DOCK8: variants seen among roughly 807,000 people sequenced by gnomAD.
The protein encoded by DOCK8 is dedicator of cytokinesis 8.
Under a neutral mutation model 245.6 loss-of-function variants are expected in DOCK8, and 141 were observed. That is an observed-to-expected ratio of 0.57 (90% CI 0.50 to 0.66). The LOEUF is 0.66. Among genes scored for constraint, DOCK8 ranks in the 30% least tolerant of loss-of-function variants. The probability of loss-of-function intolerance (pLI) is 0.00; values close to 1 mark genes in which losing one functional copy is unlikely to be tolerated. For synonymous variants in DOCK8, 1,168 were observed against 970.2 expected (o/e 1.20, Z -3.79); for missense variants, 2,965 against 2,603.4 (o/e 1.14, Z -3.02).
chr9:249,065 T>G (rs963271623), intron 1 of DOCK8, among the ~76,000 whole-genome samples: 2 of 152,174 alleles, frequency 1.3e-5, no homozygotes, highest in Non-Finnish European at 2.9e-5. Context: ...CTTCCGCTCT[T>G]GGTACCTGTT....
At chr9:286,436 C>T (rs1268998394) in intron 2 of DOCK8, 25 bp from the exon 3 acceptor site, 7 of 1,612,228 alleles carry the variant, frequency 4.3e-6, no homozygotes, top group Non-Finnish European at 5.9e-6. Flanking sequence ...TGAGAACCTC[C>T]TTTTCCTTTT....
chr9:395,397 G>A (rs1224567722), intron 24 of DOCK8, among the ~76,000 whole-genome samples: 1 of 152,064 alleles, frequency 6.6e-6, no homozygotes. Flanking sequence ...TGCCAGTGCT[G>A]CATGCATCCT....
At position 382,634 on chromosome 9, in the gene DOCK8, G is replaced by C. The variant is rs565049698; in HGVS notation, c.2727G>C (p.Ala909=). 6.2e-7 allele frequency: 1 copy of C among 1,613,980 alleles called. No individual in the cohort carries two copies. The highest frequency in any genetic ancestry group is 1.3e-5 in the African/African-American group (1 of 74,892). Residue 909 remains alanine, a synonymous_variant, in exon 22 of 48, where the codon GCG becomes GCC. Coordinates refer to ENST00000432829, the MANE Select transcript of DOCK8 (RefSeq NM_203447.4). ...RVMSSSNPDL[A]GTHSAADEEV... ...TGAGCAGCAGTAACCCAGACCTCGC[G>C]GGGACACACTCCGCAGCAGACGAGG...
intron 4 of DOCK8, among the ~76,000 whole-genome samples, chr9:295,346 A>G (rs751157779): frequency 1.3e-5 from 2 of 152,172 alleles, no homozygotes; most frequent in Admixed American, 1.3e-4. Flanking sequence ...CTGGGACTGT[A>G]GTGCCCATGA....
chr9:310,395 G>T (rs998914935), intron 5 of DOCK8, among the ~76,000 whole-genome samples: 1 of 152,120 alleles, frequency 6.6e-6, no homozygotes, highest in African/African-American at 2.4e-5. Flanking sequence ...TTAGTAACTT[G>T]TAGGGTCATT....
chr9:226,444 T>A (rs536699768), intron 1 of DOCK8, among the ~76,000 whole-genome samples: 2 of 152,160 alleles, frequency 1.3e-5, no homozygotes, highest in Admixed American at 1.3e-4. Context: ...ACTTTTGTGT[T>A]TAAAAGATCT....
intron 36 of DOCK8, 139 bp from the exon 37 acceptor site, chr9:432,027 A>G: frequency 1.2e-6 from 1 of 848,770 alleles, no homozygotes; most frequent in Non-Finnish European, 1.9e-6. Flanking sequence ...CTCCCATTTC[A>G]TTGAGAGAAG....
chr9:289,179 T>G (rs2048939643), intron 3 of DOCK8, among the ~76,000 whole-genome samples: 1 of 152,214 alleles, frequency 6.6e-6, no homozygotes, highest in African/African-American at 2.4e-5. Flanking sequence ...AGATAGGTAT[T>G]TATACTTATT....
At chr9:343,352 A>T (rs1368130076) in intron 14 of DOCK8, among the ~76,000 whole-genome samples, 1 of 152,064 alleles carries the variant, frequency 6.6e-6, no homozygotes, top group East Asian at 1.9e-4. Context: ...AAAATTGCCC[A>T]GGTGTGGTAT....
intron 1 of DOCK8, among the ~76,000 whole-genome samples, chr9:225,187 TA>T: frequency 6.6e-6 from 1 of 152,166 alleles, no homozygotes; most frequent in East Asian, 1.9e-4. Context: ...TGGGTGACTA[TA>T]AATGCAAAAG....
At chr9:430,990 C>G (rs1435980575) in intron 36 of DOCK8, among the ~76,000 whole-genome samples, 1 of 152,124 alleles carries the variant, frequency 6.6e-6, no homozygotes, top group African/African-American at 2.4e-5. Context: ...CTACTTCAGC[C>G]TCCCATGTAG....
chr9:312,221 G>A (rs1413860495), intron 6 of DOCK8, 55 bp downstream of exon 6: 2 of 1,579,102 alleles, frequency 1.3e-6, no homozygotes, highest in African/African-American at 1.3e-5. Flanking sequence ...TGAGAGTCAT[G>A]TGGACAATTG....
rs752239200 is a variant in DOCK8 at position 396,802 on chromosome 9, G to C, written c.2988G>C (p.Gln996His). 1.2e-6 allele frequency: 2 copies of C among 1,614,060 alleles called. No individual in the cohort carries two copies. Among genetic ancestry groups the C allele is most frequent in the East Asian group, 4.5e-5 (2 of 44,884 alleles). ...CTCCGCAGGTGAAAAGCATGGCCCA[G>C]CACGTACATAACATGGACAAACGGG... ...FFELLVKSMA[Q>H]HVHNMDKRDS... The change falls in exon 25 of 48, where the codon CAG becomes CAC. Residue 996 changes from glutamine to histidine, a missense_variant. Coordinates refer to ENST00000432829, the MANE Select transcript of DOCK8 (RefSeq NM_203447.4).
chr9:443,777 T>C (rs2057164899), intron 43 of DOCK8, among the ~76,000 whole-genome samples: 1 of 152,180 alleles, frequency 6.6e-6, no homozygotes, highest in Admixed American at 6.5e-5. Context: ...CATCATTTTA[T>C]TTCATCCTGC....
At chr9:453,868 A>C (rs1488726597) in intron 46 of DOCK8, among the ~76,000 whole-genome samples, 1 of 152,128 alleles carries the variant, frequency 6.6e-6, no homozygotes, top group African/African-American at 2.4e-5. Context: ...AATGCTTCCA[A>C]AGTTGACTAT....
chr9:428,454 C>T lies in DOCK8; in HGVS notation c.4431C>T (p.Tyr1477=), dbSNP rs911659155. The T allele has an allele frequency of 4.3e-6, 7 of 1,614,074 alleles. No homozygotes were observed. The African/African-American group carries it at 9.3e-5, about 22-fold the overall frequency. Residue 1477 remains tyrosine, a synonymous_variant, in exon 35 of 48, where the codon TAC becomes TAT. Transcript: ENST00000432829. Reference sequence around the variant, plus strand: ...TGAACTGTGATCAGAGTACCACCTACCTGACTCACTGCTTTGCAACACTCC... The same window carrying T: ...TGAACTGTGATCAGAGTACCACCTATCTGACTCACTGCTTTGCAACACTCC... ...NSLNCDQSTT[Y]LTHCFATLRA...
intron 14 of DOCK8, among the ~76,000 whole-genome samples, chr9:344,932 A>G (rs1199888923): frequency 6.6e-6 from 1 of 152,176 alleles, no homozygotes; most frequent in South Asian, 2.1e-4. Context: ...GGTGCCTGTA[A>G]TCCCAGCTAC....
chr9:340,527 A>G lies in DOCK8; in HGVS notation c.1679+206A>G. On this transcript the variant is annotated intron_variant, in intron 14 of 47. Transcript: ENST00000432829. Reference sequence around the variant, plus strand: ...TCCCAGCAACTTGGCAGGCTGAGGCAGGAGAATCGCTTGAACCCAGGAGGC... The same window carrying G: ...TCCCAGCAACTTGGCAGGCTGAGGCGGGAGAATCGCTTGAACCCAGGAGGC... 1.2e-5 allele frequency: 7 copies of G among 580,030 alleles called. No homozygotes were observed. The South Asian group carries it at 1.3e-4, about 11-fold the overall frequency. 35.9% of individuals were successfully genotyped at this position (580,030 alleles called of 1,614,324 possible).
chr9:463,460 A>G, intron 46 of DOCK8, 57 bp from the exon 47 acceptor site: 2 of 1,593,634 alleles, frequency 1.3e-6, no homozygotes, highest in Non-Finnish European at 8.6e-7. Flanking sequence ...CATTGTTCTC[A>G]GATTTCTAAG....
Sources: gnomAD v4.1 joint callset for allele counts (sites outside exome capture counted in the v4.1 genomes callset) on GRCh38, gnomAD v4.1.1 for gene constraint, MANE v1.5 for transcripts, NCBI Gene and HGNC (gene_info 2026-07-23, HGNC 2026-07-21) for gene names.